DOCK3: variants seen among roughly 807,000 people sequenced by gnomAD.
DOCK3 encodes dedicator of cytokinesis 3.
Under a neutral mutation model 265.6 loss-of-function variants are expected in DOCK3, and 60 were observed. That is an observed-to-expected ratio of 0.23 (90% CI 0.18 to 0.28). The LOEUF (loss-of-function observed/expected upper bound fraction) is 0.28. DOCK3 is among the 10% of genes least tolerant of loss of function. DOCK3 has a pLI of 1.00. For synonymous variants in DOCK3, 881 were observed against 938.0 expected, an observed-to-expected ratio of 0.94 and a Z score of 1.11; for missense variants, 1,981 against 2,594.3, an observed-to-expected ratio of 0.76 and a Z score of 5.14.
intron 1 of DOCK3, among the ~76,000 whole-genome samples, chr3:50,684,742 A>G (rs1576081755): frequency 6.6e-6 from 1 of 152,258 alleles, no homozygotes; most frequent in Non-Finnish European, 1.5e-5. Context: ...AGGGAACTCA[A>G]GGTTAAACCT....
chr3:50,924,703 G>A lies in DOCK3; in HGVS notation c.219-9278G>A, dbSNP rs972462458. 7.2e-5 allele frequency among the ~76,000 whole-genome samples: 11 copies of A among 152,292 alleles called. No homozygotes were observed. The East Asian group carries it at 2.1e-3, about 29-fold the overall frequency. ...AGTCTCAGGGTTGCCCACTGCTACC[G>A]GTCAGTTCTGATTCAGCAGTTGTGG... On this transcript the variant is annotated intron_variant, in intron 4 of 52. Coordinates refer to ENST00000266037, the MANE Select transcript of DOCK3 (RefSeq NM_004947.5).
chr3:51,274,528 A>G (rs1385376633), intron 24 of DOCK3, among the ~76,000 whole-genome samples: 1 of 152,188 alleles, frequency 6.6e-6, no homozygotes, highest in Non-Finnish European at 1.5e-5. Flanking sequence ...CTGTAATCTT[A>G]GCATTTGGGG....
chr3:51,132,935 T>G (rs901547813), intron 9 of DOCK3, among the ~76,000 whole-genome samples: 2 of 152,102 alleles, frequency 1.3e-5, no homozygotes, highest in Non-Finnish European at 2.9e-5. Flanking sequence ...CATCAGCCTT[T>G]CCACCTTTGT....
chr3:51,244,227 T>TC (rs398105866), intron 21 of DOCK3, among the ~76,000 whole-genome samples: 51 of 152,050 alleles, frequency 3.4e-4, no homozygotes, highest in African/African-American at 1.2e-3. Context: ...TTTTTTTTTT[T>TC]CTGCAAAAAA....
chr3:50,945,939 A>G (rs538547580), intron 5 of DOCK3, among the ~76,000 whole-genome samples: 1 of 152,072 alleles, frequency 6.6e-6, no homozygotes, highest in South Asian at 2.1e-4. Context: ...TGATATAAAA[A>G]GTTTAGGGCC....
intron 7 of DOCK3, among the ~76,000 whole-genome samples, chr3:51,078,906 A>T (rs976901262): frequency 1.3e-5 from 2 of 152,180 alleles, no homozygotes; most frequent in Non-Finnish European, 2.9e-5. Flanking sequence ...TTTTCTGCTA[A>T]ATTTCCTGTC....
chr3:51,323,334 C>T (rs1419354865), intron 32 of DOCK3, among the ~76,000 whole-genome samples: 3 of 152,144 alleles, frequency 2.0e-5, no homozygotes, highest in Non-Finnish European at 4.4e-5. Flanking sequence ...AGGACTTGAA[C>T]TCAGCTCGGA....
At chr3:50,779,530 T>C (rs2675813) in intron 2 of DOCK3, among the ~76,000 whole-genome samples, 14,332 of 152,020 alleles carry the variant, frequency 0.094, 829 homozygotes, top group Non-Finnish European at 0.12. Flanking sequence ...ATTACAGGCG[T>C]CCACCACCAC....
intron 2 of DOCK3, among the ~76,000 whole-genome samples, chr3:50,793,813 T>G (rs2108622541): frequency 6.6e-6 from 1 of 152,328 alleles, no homozygotes; most frequent in African/African-American, 2.4e-5. Flanking sequence ...GCTCCCTAAT[T>G]CTTTTAGTTG....
chr3:50,678,814 T>G (rs1196837028), intron 1 of DOCK3, among the ~76,000 whole-genome samples: 2 of 151,988 alleles, frequency 1.3e-5, no homozygotes, highest in African/African-American at 4.8e-5. Flanking sequence ...CCTAATTTTT[T>G]TTTTTCTTTT....
intron 5 of DOCK3, among the ~76,000 whole-genome samples, chr3:51,013,491 A>G (rs1171178259): frequency 6.6e-6 from 1 of 152,242 alleles, no homozygotes; most frequent in Non-Finnish European, 1.5e-5. Context: ...GCTGCAGAAC[A>G]GCAAATATTG....
At chr3:51,128,022 C>T (rs534100404) in intron 9 of DOCK3, among the ~76,000 whole-genome samples, 24 of 152,318 alleles carry the variant, frequency 1.6e-4, no homozygotes, top group Non-Finnish European at 2.6e-4. Context: ...CTGTAACTCC[C>T]TTCTTTGCAT....
intron 17 of DOCK3, 30 bp downstream of exon 17, chr3:51,228,118 C>A: frequency 1.9e-6 from 3 of 1,604,808 alleles, no homozygotes; most frequent in East Asian, 2.2e-5. Context: ...TTCATCCCCA[C>A]CCCTTACCTG....
chr3:50,817,677 T>G (rs2044168256), intron 2 of DOCK3, among the ~76,000 whole-genome samples: 1 of 151,608 alleles, frequency 6.6e-6, no homozygotes, highest in Admixed American at 6.7e-5. Flanking sequence ...GTAAATCTAC[T>G]TTTTCTCTTT....
intron 5 of DOCK3, among the ~76,000 whole-genome samples, chr3:50,987,939 A>C (rs1469158188): frequency 1.3e-5 from 2 of 152,156 alleles, no homozygotes; most frequent in South Asian, 4.1e-4. Context: ...GAGACCCTGG[A>C]GTCTTAGATA....
intron 27 of DOCK3, among the ~76,000 whole-genome samples, chr3:51,292,438 T>C (rs1194991836): frequency 2.6e-5 from 4 of 152,120 alleles, no homozygotes; most frequent in African/African-American, 7.2e-5. Flanking sequence ...CCTAATTAGT[T>C]GTGTTTCTAT....
chr3:50,740,484 C>T (rs1343956375), intron 1 of DOCK3, among the ~76,000 whole-genome samples: 1 of 152,114 alleles, frequency 6.6e-6, no homozygotes, highest in Non-Finnish European at 1.5e-5. Context: ...TTACATTCCA[C>T]TAGTGATGTG....
chr3:51,048,479 C>T (rs2080860074), intron 5 of DOCK3, among the ~76,000 whole-genome samples: 1 of 152,150 alleles, frequency 6.6e-6, no homozygotes, highest in African/African-American at 2.4e-5. Context: ...CCCCAAGAAA[C>T]TTTAGAATTT....
intron 23 of DOCK3, among the ~76,000 whole-genome samples, chr3:51,263,619 G>A (rs911400417): frequency 1.1e-4 from 17 of 152,118 alleles, no homozygotes; most frequent in East Asian, 3.9e-4. Context: ...AAAAGACACA[G>A]ACTGGCAAAT....
Sources: allele counts gnomAD v4.1 joint callset (sites outside exome capture counted in the v4.1 genomes callset), GRCh38; gene constraint gnomAD v4.1.1; transcripts MANE v1.5; gene names NCBI Gene and HGNC (gene_info 2026-07-23, HGNC 2026-07-21).